The following A2ML1 variants were observed in gnomAD, a reference collection of about 807,000 sequenced individuals.
The protein encoded by A2ML1 is alpha-2-macroglobulin like 1.
A2ML1 carries 161 observed loss-of-function variants against 181.9 expected under a neutral mutation model. The ratio of observed to expected loss-of-function variants is 0.89; its 90% CI spans 0.78 to 1.01. A2ML1 has a LOEUF of 1.01. Among genes scored for constraint, A2ML1 ranks in the 50% least tolerant of loss-of-function variants. The pLI is 0.00. For synonymous variants in A2ML1, 663 were observed against 666.8 expected (o/e 0.99, Z 0.09); for missense variants, 1,670 against 1,768.1 (o/e 0.94, Z 1.00).
intron 3 of A2ML1, among the ~76,000 whole-genome samples, chr12:8,825,322 T>G (rs950490074): frequency 3.3e-5 from 5 of 152,230 alleles, no homozygotes; most frequent in East Asian, 3.8e-4. Flanking sequence ...ATTGTAGTTT[T>G]GATTTACATT....
chr12:8,862,753 G>C (rs777356409), intron 28 of A2ML1, among the ~76,000 whole-genome samples: 1 of 152,114 alleles, frequency 6.6e-6, no homozygotes, highest in East Asian at 1.9e-4. Context: ...AAATACACCT[G>C]TTCCACCGTG....
intron 2 of A2ML1, 126 bp from the exon 3 acceptor site, chr12:8,823,594 T>A (rs1592094573): frequency 1.7e-6 from 2 of 1,181,424 alleles, no homozygotes; most frequent in East Asian, 4.7e-5. Flanking sequence ...TAATTTGTTT[T>A]ATGTCTCTAT....
In A2ML1 at chr12:8,837,691, C is replaced by T. The variant is rs1943331442; in HGVS notation, c.855+125C>T. 6 of 1,049,016 alleles carry T rather than the reference C, an allele frequency of 5.7e-6. No individual in the cohort carries two copies. In the South Asian group the frequency reaches 1.2e-4, roughly 20 times the overall value. The allele number at this position is 1,049,016 out of a possible 1,614,324, so 65.0% of individuals were successfully genotyped here. The stretch of plus-strand genomic sequence containing the variant: ...GGTCAGGAGTTTGAGACCAGCCTGA[C>T]CAATATGGGGAAACCCCGTCTCTAT... On this transcript the variant is annotated intron_variant, in intron 8 of 35. Transcript: ENST00000299698.
At chr12:8,883,403 TG>T (rs1944888001) in intron 7 of A2ML1, among the ~76,000 whole-genome samples, 1 of 152,250 alleles carries the variant, frequency 6.6e-6, no homozygotes, top group South Asian at 2.1e-4. Flanking sequence ...CAGTTAGGTT[TG>T]GCCATGTGGC....
At chr12:8,868,503 A>G (rs925115931) in intron 31 of A2ML1, 34 bp from the exon 32 acceptor site, 1 of 1,609,538 alleles carries the variant, frequency 6.2e-7, no homozygotes, top group Non-Finnish European at 8.5e-7. Context: ...CTGAAGTAAT[A>G]GGCTCACATG....
intron 7 of A2ML1, among the ~76,000 whole-genome samples, chr12:8,836,684 G>A (rs982978085): frequency 2.4e-4 from 37 of 151,892 alleles, no homozygotes; most frequent in African/African-American, 7.3e-4. Flanking sequence ...GGATTTCGCC[G>A]TGTTGGCCAG....
Position 8,858,055 on chromosome 12 carries a change from A to T in A2ML1, c.3217A>T (p.Ser1073Cys). 6.2e-7 allele frequency: 1 copy of T among 1,614,166 alleles called. No homozygotes were observed. Among genetic ancestry groups the T allele is most frequent in the East Asian group, 2.2e-5 (1 of 44,888 alleles). The part of the protein sequence containing the change: ...LKWMAGNQLP[S>C]GCYANVGNLL... ...GTGGATGGCAGGAAACCAGCTCCCC[A>T]GTGGCTGCTATGCCAACGTGGGAAA... The change falls in exon 26 of 36, where the codon AGT becomes TGT. Residue 1073 changes from serine (S) to cysteine (C), a missense_variant. Transcript: ENST00000299698.
chr12:8,854,028 G>T (rs768124585), intron 20 of A2ML1, 100 bp from the exon 21 acceptor site: 5 of 1,403,828 alleles, frequency 3.6e-6, no homozygotes, highest in Non-Finnish European at 4.7e-6. Context: ...ACTGTTGCAA[G>T]ATCCCCATTA....
intron 33 of A2ML1, among the ~76,000 whole-genome samples, chr12:8,870,230 G>A (rs907204998): frequency 1.3e-5 from 2 of 152,026 alleles, no homozygotes; most frequent in Admixed American, 6.5e-5. Context: ...CTTCCAGGGA[G>A]CCAGGGTTTT....
intron 12 of A2ML1, 65 bp downstream of exon 12, chr12:8,843,426 C>T: frequency 6.7e-7 from 1 of 1,503,058 alleles, no homozygotes; most frequent in Non-Finnish European, 9.1e-7. Context: ...GAAGAGTCAG[C>T]CAGAGGGTGC....
chr12:8,880,044 CA>C (rs1565500150), downstream of A2ML1, among the ~76,000 whole-genome samples: 1 of 151,884 alleles, frequency 6.6e-6, no homozygotes, highest in East Asian at 1.9e-4. Context: ...ACAGTGTGAC[CA>C]AAAAAATGAT....
At chr12:8,869,102 T>C in intron 32 of A2ML1, 33 bp from the exon 33 acceptor site, 2 of 1,611,134 alleles carry the variant, frequency 1.2e-6, no homozygotes, top group Non-Finnish European at 8.5e-7. Context: ...GCTCTGGCTC[T>C]TAGTATCTTT....
intron 17 of A2ML1, 76 bp downstream of exon 17, chr12:8,849,835 C>T (rs1943827661): frequency 1.3e-5 from 18 of 1,394,534 alleles, no homozygotes; most frequent in African/African-American, 2.8e-5. Context: ...CTCTTGCCTC[C>T]TGTTCTTGCA....
At chr12:8,843,041 G>A (rs1478272329) in intron 11 of A2ML1, 93 bp from the exon 12 acceptor site, 1 of 1,120,314 alleles carries the variant, frequency 8.9e-7, no homozygotes, top group Non-Finnish European at 1.3e-6. Flanking sequence ...GAAGATTTGA[G>A]AGAAAGAGCT....
At chr12:8,868,846 ATGTG>A (rs988002805) in intron 32 of A2ML1, among the ~76,000 whole-genome samples, 1 of 152,058 alleles carries the variant, frequency 6.6e-6, no homozygotes, top group African/African-American at 2.4e-5. Context: ...GATTATATAT[ATGTG>A]TGTGTATACA....
Position 8,834,392 on chromosome 12 carries a change from C to T in A2ML1, c.463-270C>T, listed in dbSNP as rs768264391. Reference sequence around the variant, plus strand: ...TCACAGGGTACTGAGACTGGTCTGACGCTCCAGTTCTTCAAATCTTTTGGA... The same window carrying T: ...TCACAGGGTACTGAGACTGGTCTGATGCTCCAGTTCTTCAAATCTTTTGGA... On this transcript the variant is annotated intron_variant, in intron 4 of 35. Coordinates refer to ENST00000299698, the MANE Select transcript of A2ML1 (RefSeq NM_144670.6). 1.1e-4 allele frequency among the ~76,000 whole-genome samples: 16 copies of T among 152,112 alleles called. 1 individual carries two copies. Among genetic ancestry groups the T allele is most frequent in the East Asian group, 7.7e-4 (4 of 5,190 alleles).
intron 17 of A2ML1, 147 bp downstream of exon 17, chr12:8,849,906 A>G (rs1943829294): frequency 3.9e-6 from 3 of 762,248 alleles, no homozygotes; most frequent in Non-Finnish European, 6.3e-6. Flanking sequence ...ACAGTTTCCC[A>G]AGTGTTCTCT....
At chr12:8,867,701 G>A (rs1006245701) in intron 29 of A2ML1, 141 bp from the exon 30 acceptor site, 2 of 677,128 alleles carry the variant, frequency 3.0e-6, no homozygotes, top group Admixed American at 5.4e-5. Context: ...TCCAGAGGAG[G>A]TGGGTATAGT....
intron 3 of A2ML1, among the ~76,000 whole-genome samples, chr12:8,829,029 G>C (rs960002302): frequency 2.6e-5 from 4 of 152,220 alleles, no homozygotes; most frequent in Non-Finnish European, 5.9e-5. Context: ...GGATGGCGGG[G>C]AGGGGGTGAA....
Sources: allele counts gnomAD v4.1 joint callset (sites outside exome capture counted in the v4.1 genomes callset), GRCh38; gene constraint gnomAD v4.1.1; transcripts MANE v1.5; gene names NCBI Gene and HGNC (gene_info 2026-07-23, HGNC 2026-07-21).